Variants in ROBO2 observed in about 807,000 individuals in gnomAD.
The protein encoded by ROBO2 is roundabout guidance receptor 2, also known as roundabout homolog 2.
In ROBO2, 53 loss-of-function variants were observed where a neutral mutation model predicts 160.8. That is an observed-to-expected ratio of 0.33 (90% CI 0.26 to 0.41). The LOEUF (loss-of-function observed/expected upper bound fraction) is 0.41. Among genes scored for constraint, ROBO2 ranks in the 10% least tolerant of loss-of-function variants. ROBO2 has a pLI of 1.00. For missense variants in ROBO2, 1,577 were observed against 1,722.4 expected (o/e 0.92, Z 1.49); for synonymous variants, 664 against 611.7 (o/e 1.09, Z -1.26).
At chr3:76,465,165 G>A (rs893935862) in intron 2 of ROBO2, among the ~76,000 whole-genome samples, 2 of 151,974 alleles carry the variant, frequency 1.3e-5, no homozygotes, top group Non-Finnish European at 2.9e-5. Flanking sequence ...GTGTATTGAA[G>A]ATAGAAGACA....
At chr3:77,635,190 A>C (rs901902620) in intron 24 of ROBO2, 147 bp downstream of exon 25, 6 of 766,402 alleles carry the variant, frequency 7.8e-6, no homozygotes, top group Non-Finnish European at 1.3e-5. Flanking sequence ...TTGTTTAAAT[A>C]AAACACCATT....
chr3:77,307,673 A>G (rs2063205515), intron 2 of ROBO2, among the ~76,000 whole-genome samples: 1 of 152,194 alleles, frequency 6.6e-6, no homozygotes, highest in African/African-American at 2.4e-5. Flanking sequence ...AATTGAGGTC[A>G]GGAGTTCAAT....
At chr3:77,320,530 T>C (rs1016972196) in intron 2 of ROBO2, among the ~76,000 whole-genome samples, 1 of 151,672 alleles carries the variant, frequency 6.6e-6, no homozygotes, top group African/African-American at 2.4e-5. Flanking sequence ...GCCAGTTATA[T>C]GGTTCTTTGT....
At chr3:76,320,200 G>A (rs34031563) in intron 2 of ROBO2, among the ~76,000 whole-genome samples, 141,355 of 152,206 alleles carry the variant, frequency 0.93, 66,393 homozygotes, top group East Asian at 1. Context: ...AAAACTTTAT[G>A]TACCTTTAGC....
chr3:77,335,892 T>C (rs938068326), intron 2 of ROBO2, among the ~76,000 whole-genome samples: 5 of 152,110 alleles, frequency 3.3e-5, no homozygotes, highest in African/African-American at 1.2e-4. Context: ...GCTAACTGAG[T>C]CAGTTAATGA....
intron 4 of ROBO2, among the ~76,000 whole-genome samples, chr3:77,486,941 A>C (rs1364255855): frequency 2.0e-5 from 3 of 152,046 alleles, no homozygotes; most frequent in African/African-American, 2.4e-5. Context: ...TTTAGTTGTT[A>C]TTCTCCAAAA....
intron 2 of ROBO2, among the ~76,000 whole-genome samples, chr3:77,155,342 A>C (rs1428458713): frequency 6.6e-6 from 1 of 152,074 alleles, no homozygotes; most frequent in Non-Finnish European, 1.5e-5. Flanking sequence ...GAAATCAGAG[A>C]GTCCCTAAAA....
chr3:76,885,774 A>T (rs1401696788), intron 2 of ROBO2, among the ~76,000 whole-genome samples: 1 of 152,142 alleles, frequency 6.6e-6, no homozygotes, highest in African/African-American at 2.4e-5. Flanking sequence ...CTCATTCCAG[A>T]TCTGGCAAGT....
At chr3:76,310,861 T>G (rs1428530847) in intron 2 of ROBO2, among the ~76,000 whole-genome samples, 4 of 152,126 alleles carry the variant, frequency 2.6e-5, no homozygotes, top group Non-Finnish European at 5.9e-5. Context: ...AAAAGAGCAA[T>G]TTGGTTGGTT....
chr3:77,485,587 T>C (rs1360382563), intron 4 of ROBO2, among the ~76,000 whole-genome samples: 1 of 152,128 alleles, frequency 6.6e-6, no homozygotes, highest in Non-Finnish European at 1.5e-5. Context: ...ACAAAACAAT[T>C]CAATGAAATG....
chr3:77,064,229 G>A (rs2149789995), intron 1 of ROBO2, among the ~76,000 whole-genome samples: 1 of 152,070 alleles, frequency 6.6e-6, no homozygotes, highest in East Asian at 1.9e-4. Flanking sequence ...GAAAAGTAAG[G>A]TGTAAACATT....
intron 2 of ROBO2, among the ~76,000 whole-genome samples, chr3:76,736,276 C>T (rs994219115): frequency 0.017 from 49 of 2,862 alleles, no homozygotes; most frequent in African/African-American, 0.1. Context: ...AGCGAGACTC[C>T]GTCTCAAAAA....
chr3:76,257,250 T>C (rs1706454732), intron 2 of ROBO2, among the ~76,000 whole-genome samples: 1 of 152,172 alleles, frequency 6.6e-6, no homozygotes, highest in Admixed American at 6.5e-5. Context: ...ATACCTTTAA[T>C]TCCTTCTTAA....
intron 2 of ROBO2, among the ~76,000 whole-genome samples, chr3:76,307,087 T>C (rs1472496698): frequency 6.6e-6 from 1 of 152,180 alleles, no homozygotes; most frequent in African/African-American, 2.4e-5. Context: ...CTGCTACTCA[T>C]CTATAGGTTC....
intron 2 of ROBO2, among the ~76,000 whole-genome samples, chr3:76,723,099 A>T (rs1042374577): frequency 5.9e-5 from 9 of 152,188 alleles, no homozygotes; most frequent in Admixed American, 5.2e-4. Flanking sequence ...TGTGTGTTTC[A>T]TACATTATTC....
intron 24 of ROBO2, among the ~76,000 whole-genome samples, chr3:77,636,590 T>C (rs1007188866): frequency 6.6e-6 from 1 of 151,668 alleles, no homozygotes; most frequent in East Asian, 1.9e-4. Flanking sequence ...AGACTCCTTC[T>C]TAAAAAAAAA....
intron 17 of ROBO2, among the ~76,000 whole-genome samples, chr3:77,589,804 A>G (rs1031618027): frequency 1.3e-5 from 2 of 152,164 alleles, no homozygotes; most frequent in African/African-American, 4.8e-5. Flanking sequence ...CAACAATGAT[A>G]AGAAATATCT....
intron 2 of ROBO2, among the ~76,000 whole-genome samples, chr3:77,109,627 G>A (rs1251440095): frequency 6.6e-6 from 1 of 152,178 alleles, no homozygotes. Flanking sequence ...TAATCTCTGG[G>A]GCTTGCTAAG....
intron 2 of ROBO2, among the ~76,000 whole-genome samples, chr3:76,070,994 T>G (rs2068436405): frequency 6.6e-6 from 1 of 152,160 alleles, no homozygotes; most frequent in Non-Finnish European, 1.5e-5. Flanking sequence ...AGGGTTGCAT[T>G]TCTTGAGTCA....
Sources: gnomAD v4.1 joint callset for allele counts (sites outside exome capture counted in the v4.1 genomes callset) on GRCh38, gnomAD v4.1.1 for gene constraint, MANE v1.5 for transcripts, NCBI Gene and HGNC (gene_info 2026-07-23, HGNC 2026-07-21) for gene names.